Variants in CEP104 observed in about 807,000 individuals in gnomAD.
CEP104 encodes the protein centrosomal protein 104.
CEP104 carries 84 observed loss-of-function variants against 113.3 expected under a neutral mutation model. The observed-to-expected ratio is 0.74, with a 90% CI of 0.62 to 0.89. The LOEUF is 0.89. CEP104 is among the 40% of genes least tolerant of loss of function. CEP104 has a pLI of 0.00. For missense variants in CEP104, 1,053 were observed against 1,156.6 expected (o/e 0.91, Z 1.30); for synonymous variants, 378 against 421.7 (o/e 0.90, Z 1.27).
At chr1:3,818,204 T>A (rs1288259990) in intron 20 of CEP104, among the ~76,000 whole-genome samples, 1 of 152,226 alleles carries the variant, frequency 6.6e-6, no homozygotes, top group African/African-American at 2.4e-5. Context: ...GCCTTCTTCC[T>A]CCCACTCTGC....
chr1:3,833,236 C>A (rs1207143353), intron 12 of CEP104, among the ~76,000 whole-genome samples: 1 of 152,162 alleles, frequency 6.6e-6, no homozygotes, highest in Non-Finnish European at 1.5e-5. Context: ...GCCTGAGCCT[C>A]CCAAAGTGCT....
chr1:3,828,617 A>C (rs1644138899), intron 15 of CEP104, among the ~76,000 whole-genome samples: 1 of 152,136 alleles, frequency 6.6e-6, no homozygotes, highest in African/African-American at 2.4e-5. Context: ...CAGGTCCCAG[A>C]ACTCATTCAC....
rs1644752304 is a variant in CEP104, at chr1:3,857,116, G to A, written c.-242C>T. On this transcript the variant is annotated 5_prime_UTR_variant, in exon 1 of 22. Transcript: ENST00000378230. ...CGCCCCAGGCCGCCTTGCACCCCAA[G>A]CTGCTGCGGCAGTGACAGGGAAGAA... is the stretch of plus-strand genomic sequence containing the variant. The A allele has an allele frequency of 6.6e-6, 1 of 152,474 alleles. No individual in the cohort carries two copies. Among genetic ancestry groups the A allele is most frequent in the Non-Finnish European group, 1.5e-5 (1 of 68,254 alleles). The allele number at this position is 152,474 out of a possible 1,614,324, so 9.4% of individuals were successfully genotyped here. A position where few individuals can be genotyped will look rare whatever the true frequency, so the allele number is the denominator to read the frequency against.
rs561426153 is a variant in CEP104, at chr1:3,838,348, T to TCTATGTTGCCCAGGCTGGTCTCGAACTCC, written c.891+587_891+615dup. Among the ~76,000 whole-genome samples the TCTATGTTGCCCAGGCTGGTCTCGAACTCC allele has an allele frequency of 8.1e-4, 124 of 152,176 alleles. No individual in the cohort carries two copies. In the East Asian group the frequency reaches 0.021, roughly 26 times the overall value. On this transcript the variant is annotated intron_variant, in intron 8 of 21. Coordinates refer to ENST00000378230, the MANE Select transcript of CEP104 (RefSeq NM_014704.4). ...TTACTTTTTGTAGAGACAGGGTCTC[T>TCTATGTTGCCCAGGCTGGTCTCGAACTCC]CTATGTTGCCCAGGCTGGTCTCGAA...
chr1:3,829,674 C>A, intron 14 of CEP104, 117 bp downstream of exon 14: 1 of 1,112,900 alleles, frequency 9.0e-7, no homozygotes, highest in Non-Finnish European at 1.3e-6. Context: ...GCCAGGACGC[C>A]GGGGCTTCCC....
At chr1:3,842,191 C>T (rs1273303350) in intron 6 of CEP104, among the ~76,000 whole-genome samples, 1 of 152,194 alleles carries the variant, frequency 6.6e-6, no homozygotes, top group Non-Finnish European at 1.5e-5. Flanking sequence ...GCCATTCTCC[C>T]ACCTCAGCCT....
intron 2 of CEP104, among the ~76,000 whole-genome samples, chr1:3,852,005 G>C (rs963583898): frequency 2.6e-5 from 4 of 152,160 alleles, no homozygotes; most frequent in African/African-American, 9.7e-5. Context: ...CCCAGCGTGT[G>C]ATCAGGGAGT....
chr1:3,841,532 A>ATCCT lies in CEP104; in HGVS notation c.567-1760_567-1757dup, dbSNP rs547478743. On this transcript the variant is annotated intron_variant, in intron 6 of 21. Transcript: ENST00000378230. Reference sequence around the variant, plus strand: ...ACAAAGACTTCATTTGATTATAAAAATCCTTCAAAGTGAACATCATGTCCT... The same window carrying ATCCT: ...ACAAAGACTTCATTTGATTATAAAAATCCTTCCTTCAAAGTGAACATCATGTCCT... 1.2e-3 allele frequency among the ~76,000 whole-genome samples: 179 copies of ATCCT among 152,342 alleles called. 3 individuals are homozygous for ATCCT. Among genetic ancestry groups the ATCCT allele is most frequent in the South Asian group, 1.7e-3 (8 of 4,826 alleles).
chr1:3,817,575 C>T (rs1005556365), intron 20 of CEP104, among the ~76,000 whole-genome samples: 1 of 152,208 alleles, frequency 6.6e-6, no homozygotes, highest in Non-Finnish European at 1.5e-5. Context: ...GGGTTCTGGT[C>T]TCTCCAGGCC....
intron 1 of CEP104, among the ~76,000 whole-genome samples, chr1:3,855,444 C>T (rs1022323137): frequency 2.6e-5 from 4 of 151,334 alleles, no homozygotes; most frequent in Admixed American, 2.6e-4. Flanking sequence ...GTTGGGATTA[C>T]AGGCGTGAGC....
chr1:3,851,437 T>C (rs566853136), intron 2 of CEP104, among the ~76,000 whole-genome samples: 27 of 152,260 alleles, frequency 1.8e-4, no homozygotes, highest in African/African-American at 6.0e-4. Context: ...GTTCGCGGGT[T>C]AGGAATAAAT....
At position 3,823,398 on chromosome 1, in the gene CEP104, A is replaced by C; in HGVS notation, c.2503+26T>G. On this transcript the variant is annotated intron_variant, in intron 19 of 21. Coordinates refer to ENST00000378230, the MANE Select transcript of CEP104 (RefSeq NM_014704.4). The surrounding 1 kb of genome is among the most constrained non-coding windows in gnomAD (Gnocchi z 4.1). ...AGAGGACCCCTGGTGACCCGAGGGC[A>C]CGGGAGCCTGGGAAGGGGCACTCAC... 1 of 1,614,144 alleles carries C rather than the reference A, an allele frequency of 6.2e-7. No individual in the cohort carries two copies.
chr1:3,828,196 T>C (rs1301916449), intron 15 of CEP104, among the ~76,000 whole-genome samples: 3 of 152,172 alleles, frequency 2.0e-5, no homozygotes, highest in South Asian at 2.1e-4. Flanking sequence ...TGCTAGCTCA[T>C]GGCTGGAGGG....
chr1:3,832,164 C>G (rs1346738481), intron 12 of CEP104, among the ~76,000 whole-genome samples: 1 of 152,240 alleles, frequency 6.6e-6, no homozygotes, highest in Non-Finnish European at 1.5e-5. Flanking sequence ...TGCAACATAT[C>G]TTTTGAAAGA....
intron 12 of CEP104, among the ~76,000 whole-genome samples, chr1:3,832,252 TATTGTA>T (rs1644222693): frequency 2.3e-4 from 4 of 17,272 alleles, no homozygotes; most frequent in African/African-American, 5.6e-4. Flanking sequence ...ACCAGGAGTG[TATTGTA>T]ACCAGGAGTG....
At chr1:3,815,839 C>A (rs1410786464) in intron 21 of CEP104, among the ~76,000 whole-genome samples, 3 of 152,134 alleles carry the variant, frequency 2.0e-5, no homozygotes, top group Non-Finnish European at 4.4e-5. Flanking sequence ...AGGTGCCGGC[C>A]ACTGTGCCCG....
At chr1:3,828,659 C>G (rs947538589) in intron 15 of CEP104, among the ~76,000 whole-genome samples, 1 of 152,136 alleles carries the variant, frequency 6.6e-6, no homozygotes, top group South Asian at 2.1e-4. Context: ...GTCTGCGGAA[C>G]GGAAACTCCC....
chr1:3,837,106 G>A (rs1343314448), intron 9 of CEP104, 186 bp downstream of exon 9: 2 of 579,232 alleles, frequency 3.5e-6, no homozygotes, highest in Non-Finnish European at 3.1e-6. Flanking sequence ...CTCACAAGGT[G>A]TCATTAGGCC....
At position 3,823,544 on chromosome 1, in the gene CEP104, G is replaced by A. The variant is rs771422284; in HGVS notation, c.2383C>T (p.Leu795=). Residue 795 remains leucine, a synonymous_variant, in exon 19 of 22, where the codon CTG becomes TTG. Coordinates refer to ENST00000378230, the MANE Select transcript of CEP104 (RefSeq NM_014704.4). This position sits in a 1 kb window ranked among gnomAD's most constrained non-coding sequence, Gnocchi z 4.1. The stretch of plus-strand genomic sequence containing the variant: ...CATTCCGTCAGCAAGTGCTCCGTCA[G>A]ACTGGATATCTCGACCACCTGGATT... ...HCKQVVEISS[L]TEHLLTECDK... is the part of the protein sequence containing the mutation. 1.9e-6 allele frequency: 3 copies of A among 1,614,240 alleles called. No individual in the cohort carries two copies. The highest frequency in any genetic ancestry group is 8.5e-7 in the Non-Finnish European group (1 of 1,180,044).
Sources: allele counts gnomAD v4.1 joint callset (sites outside exome capture counted in the v4.1 genomes callset), GRCh38; gene constraint gnomAD v4.1.1; non-coding constraint Gnocchi (gnomAD v3.1); transcripts MANE v1.5; gene names NCBI Gene and HGNC (gene_info 2026-07-23, HGNC 2026-07-21).